Variants in SCARA5 observed in about 807,000 individuals in gnomAD.
SCARA5 encodes scavenger receptor class A member 5.
SCARA5 carries 45 observed loss-of-function variants against 46.3 expected under a neutral mutation model. That is an observed-to-expected ratio of 0.97 (90% CI 0.76 to 1.24). The LOEUF is 1.24. SCARA5 is among the 50% of genes most tolerant of loss of function. The probability of loss-of-function intolerance (pLI) is 0.00; values close to 1 mark genes in which losing one functional copy is unlikely to be tolerated. For synonymous variants in SCARA5, 333 were observed against 306.5 expected (o/e 1.09, Z -0.90); for missense variants, 680 against 689.0 (o/e 0.99, Z 0.15).
intron 7 of SCARA5, among the ~76,000 whole-genome samples, chr8:27,882,720 T>C (rs11778759): frequency 0.86 from 130,392 of 152,260 alleles, 55,972 homozygotes; most frequent in African/African-American, 0.87. Flanking sequence ...CCTGTTGTAA[T>C]GGGCGCCTGT....
At chr8:27,916,234 C>A (rs1314499672) in intron 4 of SCARA5, among the ~76,000 whole-genome samples, 1 of 152,318 alleles carries the variant, frequency 6.6e-6, no homozygotes, top group East Asian at 1.9e-4. Flanking sequence ...AAAAAATACA[C>A]ATAGTTGAGT....
intron 8 of SCARA5, among the ~76,000 whole-genome samples, chr8:27,877,712 T>G (rs1806747171): frequency 6.6e-6 from 1 of 152,272 alleles, no homozygotes; most frequent in East Asian, 1.9e-4. Flanking sequence ...AAGCCTTAGG[T>G]GGGAGAACAG....
At chr8:27,971,404 G>C (rs1317407792) in intron 2 of SCARA5, among the ~76,000 whole-genome samples, 1 of 152,202 alleles carries the variant, frequency 6.6e-6, no homozygotes, top group Non-Finnish European at 1.5e-5. Flanking sequence ...CCAATGTACA[G>C]GACTTATAAA....
At chr8:27,982,130 C>A (rs1246732189) in intron 2 of SCARA5, among the ~76,000 whole-genome samples, 3 of 152,166 alleles carry the variant, frequency 2.0e-5, no homozygotes, top group African/African-American at 7.2e-5. Context: ...TAACTCATTA[C>A]CCCCAGGTCC....
chr8:27,917,182 T>A (rs1171618374), intron 4 of SCARA5, among the ~76,000 whole-genome samples: 4 of 152,150 alleles, frequency 2.6e-5, no homozygotes, highest in Non-Finnish European at 5.9e-5. Flanking sequence ...AACAGATGGA[T>A]ACACCCATCA....
chr8:27,991,991 G>GA (rs1187817919), intron 1 of SCARA5, among the ~76,000 whole-genome samples: 1 of 152,172 alleles, frequency 6.6e-6, no homozygotes, highest in African/African-American at 2.4e-5. Context: ...GAGTCAGGTG[G>GA]AGTAGCCACC....
In SCARA5 at chr8:27,870,542, C is replaced by G. The variant is rs1806619587; in HGVS notation, c.*1392G>C. Reference sequence around the variant, plus strand: ...GTGCTCACCTGATATGACAGGTGATCGTGTATCTGAGGCCTATGAGTTTGA... The same window carrying G: ...GTGCTCACCTGATATGACAGGTGATGGTGTATCTGAGGCCTATGAGTTTGA... On this transcript the variant is annotated 3_prime_UTR_variant, in exon 9 of 9. Coordinates refer to ENST00000354914, the MANE Select transcript of SCARA5 (RefSeq NM_173833.6). 6.6e-6 allele frequency: 1 copy of G among 152,074 alleles called. No homozygotes were observed. The highest frequency in any genetic ancestry group is 2.4e-5 in the African/African-American group (1 of 41,370). 9.4% of individuals were successfully genotyped at this position (152,074 alleles called of 1,614,324 possible).
chr8:27,878,590 A>G (rs540750754), intron 8 of SCARA5, among the ~76,000 whole-genome samples: 1 of 152,328 alleles, frequency 6.6e-6, no homozygotes, highest in Admixed American at 6.5e-5. Context: ...AGACTCTCCA[A>G]ATCTTGTCAT....
intron 3 of SCARA5, among the ~76,000 whole-genome samples, chr8:27,947,920 C>G (rs888879627): frequency 1.3e-5 from 2 of 151,978 alleles, no homozygotes; most frequent in Non-Finnish European, 2.9e-5. Flanking sequence ...GATATGAGGT[C>G]CCCAAGAGAA....
At chr8:27,946,256 G>C (rs140649645) in intron 3 of SCARA5, among the ~76,000 whole-genome samples, 1 of 152,190 alleles carries the variant, frequency 6.6e-6, no homozygotes, top group South Asian at 2.1e-4. Flanking sequence ...ACATGCATAC[G>C]CTATCACAGG....
Position 27,957,358 on chromosome 8 carries a change from C to T in SCARA5, c.241+9056G>A, listed in dbSNP as rs990688195. The stretch of plus-strand genomic sequence containing the variant: ...CACTTAACAAACACCAATGATACAT[C>T]CCACCTGCTGAACACTGTTCTAGGC... On this transcript the variant is annotated intron_variant, in intron 3 of 8. Transcript: ENST00000354914. 3.3e-5 allele frequency among the ~76,000 whole-genome samples: 5 copies of T among 152,202 alleles called. No individual in the cohort carries two copies. In the East Asian group the frequency reaches 9.6e-4, roughly 29 times the overall value.
chr8:27,940,152 T>G (rs1807920073), intron 3 of SCARA5, among the ~76,000 whole-genome samples: 1 of 152,196 alleles, frequency 6.6e-6, no homozygotes, highest in Admixed American at 6.5e-5. Context: ...CAGCATAAGC[T>G]CTCCCCACTG....
At chr8:27,889,299 G>C (rs920988290) in intron 7 of SCARA5, among the ~76,000 whole-genome samples, 1 of 152,202 alleles carries the variant, frequency 6.6e-6, no homozygotes, top group Non-Finnish European at 1.5e-5. Context: ...CCATTACTTA[G>C]TGCTTGGAGT....
In SCARA5 at chr8:27,909,724, A is replaced by G; in HGVS notation, c.936T>C (p.Gly312=). The G allele has an allele frequency of 6.5e-7, 1 of 1,549,938 alleles. No individual in the cohort carries two copies. Among genetic ancestry groups the G allele is most frequent in the South Asian group, 1.2e-5 (1 of 83,806 alleles). ...SLAKGPPGPK[G]DQGDEGKEGR... is the part of the protein sequence containing the mutation. ...CTTCCTTTCCTTCATCCCCCTGATC[A>G]CCTTTGGGTCCCGGTGGCCCTGGAA... Residue 312 remains glycine (G), a synonymous_variant, in exon 5 of 9, where the codon GGT becomes GGC. Coordinates refer to ENST00000354914, the MANE Select transcript of SCARA5 (RefSeq NM_173833.6).
rs75145698 is a variant in SCARA5 at position 27,954,875 on chromosome 8, G to A, written c.241+11539C>T. Among the ~76,000 whole-genome samples, 154 of 152,284 alleles carry A rather than the reference G, an allele frequency of 1.0e-3. 1 individual carries two copies. The highest frequency in any genetic ancestry group is 3.3e-3 in the African/African-American group (137 of 41,548). ...TGCCTTTCTTTCCTTGACTCCTCCC[G>A]GAAAGATGCCATTTTTCCAAAGCTC... is the stretch of plus-strand genomic sequence containing the variant. On this transcript the variant is annotated intron_variant, in intron 3 of 8. Coordinates refer to ENST00000354914, the MANE Select transcript of SCARA5 (RefSeq NM_173833.6).
chr8:27,902,246 G>A (rs1334137173), intron 7 of SCARA5, among the ~76,000 whole-genome samples: 1 of 152,168 alleles, frequency 6.6e-6, no homozygotes, highest in African/African-American at 2.4e-5. Flanking sequence ...AGGGGAGGCT[G>A]TCCAGAGCTG....
intron 7 of SCARA5, among the ~76,000 whole-genome samples, chr8:27,882,272 T>C (rs1785934404): frequency 6.6e-6 from 1 of 152,230 alleles, no homozygotes; most frequent in Non-Finnish European, 1.5e-5. Context: ...ATGTGCACCA[T>C]AGTTTATTCA....
chr8:27,956,183 C>A (rs968088847), intron 3 of SCARA5, among the ~76,000 whole-genome samples: 1 of 152,142 alleles, frequency 6.6e-6, no homozygotes, highest in Non-Finnish European at 1.5e-5. Flanking sequence ...GGAAAACTAC[C>A]TATGGGGTGC....
At chr8:27,989,009 C>T (rs1175103796) in intron 1 of SCARA5, among the ~76,000 whole-genome samples, 9 of 150,710 alleles carry the variant, frequency 6.0e-5, no homozygotes, top group African/African-American at 2.0e-4. Flanking sequence ...GGCAAGGAGG[C>T]GTGGCAACTT....
Sources: gnomAD v4.1 joint callset for allele counts (sites outside exome capture counted in the v4.1 genomes callset) on GRCh38, gnomAD v4.1.1 for gene constraint, MANE v1.5 for transcripts, NCBI Gene and HGNC (gene_info 2026-07-23, HGNC 2026-07-21) for gene names.